Variants in PWWP2A observed in about 807,000 individuals in gnomAD.
PWWP2A encodes PWWP domain-containing protein 2A.
PWWP2A carries 18 observed loss-of-function variants against 48.5 expected under a neutral mutation model. The observed-to-expected ratio is 0.37, with a 90% CI of 0.26 to 0.55. PWWP2A has a LOEUF of 0.55. PWWP2A is among the 20% of genes least tolerant of loss of function. The pLI, the probability that PWWP2A is intolerant of heterozygous loss-of-function variation, is 0.81. For missense variants in PWWP2A, 867 were observed against 976.4 expected (o/e 0.89, Z 1.49); for synonymous variants, 396 against 387.7 (o/e 1.02, Z -0.25).
At chr5:160,118,684 G>A in intron 1 of PWWP2A, 121 bp downstream of exon 1, 2 of 1,035,020 alleles carry the variant, frequency 1.9e-6, no homozygotes, top group African/African-American at 1.7e-5. Context: ...GCGCCGCGCA[G>A]GACCAGAGGG....
chr5:160,048,195 T>C, the PWWP2A span, among the ~76,000 whole-genome samples: 1 of 133,758 alleles, frequency 7.5e-6, no homozygotes, highest in Non-Finnish European at 1.5e-5. Flanking sequence ...TTGCCCGGGC[T>C]GGAGTACAGT....
At chr5:160,094,732 T>C (rs548157283) in intron 1 of PWWP2A, among the ~76,000 whole-genome samples, 1 of 152,202 alleles carries the variant, frequency 6.6e-6, no homozygotes, top group Non-Finnish European at 1.5e-5. Context: ...AGAAATATAT[T>C]TGCATTGCAA....
In PWWP2A at chr5:160,078,176, A is replaced by ACAAAG; in HGVS notation, c.1670-9_1670-8insCTTTG. ...CCTGCTAATGTCTTTGTGCTGAAAT[A>ACAAAG]TAGTAAAGAAAAGGAAGAAAATGTC... On this transcript the variant is annotated splice_polypyrimidine_tract_variant and intron_variant, in intron 3 of 3. Transcript: ENST00000456329. This position sits in a 1 kb window ranked among gnomAD's most constrained non-coding sequence, Gnocchi z 4.2. 1.9e-6 allele frequency: 3 copies of ACAAAG among 1,552,404 alleles called. No homozygotes were observed. Among genetic ancestry groups the ACAAAG allele is most frequent in the Non-Finnish European group, 2.6e-6 (3 of 1,145,756 alleles).
chr5:160,082,723 G>A (rs60801808), intron 2 of PWWP2A, among the ~76,000 whole-genome samples: 1,785 of 152,130 alleles, frequency 0.012, 40 homozygotes, highest in African/African-American at 0.041. Context: ...TTAGGATCTC[G>A]AGGCTTTTCT....
At chr5:160,107,122 C>T (rs950120821) in intron 1 of PWWP2A, among the ~76,000 whole-genome samples, 2 of 152,082 alleles carry the variant, frequency 1.3e-5, no homozygotes, top group East Asian at 1.9e-4. Context: ...CCACCGTGAC[C>T]GGCCTTAACC....
At position 160,119,032 on chromosome 5, in the gene PWWP2A, C is replaced by T. The variant is rs746288429; in HGVS notation, c.357G>A (p.Ser119=). ...GGPELPPSPA[S]PPEQPPAPEE... ...CGGGAGCCGGGGGCTGCTCCGGCGG[C>T]GATGCAGGAGAAGGTGGAAGTTCCG... The change falls in exon 1 of 2, where the codon TCG becomes TCA. Residue 119 remains serine (S), a synonymous_variant. Coordinates refer to ENST00000307063, the MANE Select transcript of PWWP2A (RefSeq NM_001130864.2). The T allele has an allele frequency of 3.1e-6, 5 of 1,596,690 alleles. No homozygotes were observed. The South Asian group carries it at 3.3e-5, about 11-fold the overall frequency.
the PWWP2A span, among the ~76,000 whole-genome samples, chr5:160,052,876 A>G: frequency 6.6e-6 from 1 of 152,226 alleles, no homozygotes; most frequent in African/African-American, 2.4e-5. Flanking sequence ...GGTTGCTTCT[A>G]AAATGAATTC....
chr5:160,109,808 T>TAA (rs1187507269), intron 1 of PWWP2A, among the ~76,000 whole-genome samples: 5 of 106,950 alleles, frequency 4.7e-5, no homozygotes, highest in African/African-American at 1.1e-4. Flanking sequence ...TATATATATA[T>TAA]AAAATAATAT....
At chr5:160,067,114 G>A (rs1753630797) in intron 2 of PWWP2A, among the ~76,000 whole-genome samples, 1 of 152,086 alleles carries the variant, frequency 6.6e-6, no homozygotes, top group African/African-American at 2.4e-5. Context: ...TTAGTGAGAA[G>A]AATGACATTT....
chr5:160,114,431 A>G lies in PWWP2A; in HGVS notation c.584+4374T>C, dbSNP rs1757893753. Among the ~76,000 whole-genome samples, 3 of 151,844 alleles carry G rather than the reference A, an allele frequency of 2.0e-5. No homozygotes were observed. The South Asian group carries it at 6.2e-4, about 32-fold the overall frequency. ...AGCCAAGATTGCACTACTGCACTCC[A>G]GCCTGGGTGACAGAGCGAGACTGTC... On this transcript the variant is annotated intron_variant, in intron 1 of 1. Transcript: ENST00000307063.
downstream of PWWP2A, among the ~76,000 whole-genome samples, chr5:160,073,686 GCA>G (rs778845043): frequency 1.3e-5 from 2 of 152,088 alleles, no homozygotes; most frequent in African/African-American, 4.8e-5. Context: ...TCTTCTTCTG[GCA>G]CAGTTTTCCT....
At chr5:160,051,346 G>C in the PWWP2A span, among the ~76,000 whole-genome samples, 1 of 152,184 alleles carries the variant, frequency 6.6e-6, no homozygotes, top group Admixed American at 6.5e-5. Context: ...GCGTGGCTTA[G>C]AGAGGGTATT....
At chr5:160,091,144 C>A, downstream of PWWP2A, 2 of 979,962 alleles carry the variant, frequency 2.0e-6, no homozygotes, top group Non-Finnish European at 2.4e-6. Context: ...CTCTATACTA[C>A]AAAATCTTAT....
chr5:160,100,057 T>A (rs1446871750), intron 1 of PWWP2A, among the ~76,000 whole-genome samples: 1 of 151,762 alleles, frequency 6.6e-6, no homozygotes, highest in Non-Finnish European at 1.5e-5. Flanking sequence ...TCGCAGCACT[T>A]TGGGAGGCCA....
In PWWP2A at chr5:160,091,472, T is replaced by G; in HGVS notation, c.*910A>C. 4.1e-6 allele frequency: 4 copies of G among 979,360 alleles called. No individual in the cohort carries two copies. Among genetic ancestry groups the G allele is most frequent in the Non-Finnish European group, 4.8e-6 (4 of 826,396 alleles). 60.7% of individuals were successfully genotyped at this position (979,360 alleles called of 1,614,324 possible). ...ATACCTTAAACGGAAATTATTTTGT[T>G]TTAATTATCAAATTAGGTACATCCA... On this transcript the variant is annotated 3_prime_UTR_variant, in exon 2 of 2. Coordinates refer to ENST00000307063, the MANE Select transcript of PWWP2A (RefSeq NM_001130864.2).
rs374725441 is a variant in PWWP2A, at chr5:160,093,006, A to C, written c.1644T>G (p.Asp548Glu). 9.6e-4 allele frequency: 1,528 copies of C among 1,583,752 alleles called. No individual in the cohort carries two copies. The highest frequency in any genetic ancestry group is 1.3e-3 in the Non-Finnish European group (1,489 of 1,164,294). ...TGCCCAATGTCTGTGGTTCATCCTG[A>C]TCACCAGGCACATGCACTTCATTTG... ...QDTNEVHVPG[D>E]QDEPQTLGKK... The change falls in exon 2 of 2, where the codon GAT becomes GAG. Residue 548 changes from aspartate (D) to glutamate (E), a missense_variant. This residue lies in a region of PWWP2A where 382 missense variants were observed against 407.2 expected (regional missense o/e 0.94). Coordinates refer to ENST00000307063, the MANE Select transcript of PWWP2A (RefSeq NM_001130864.2). This position sits in a 1 kb window ranked among gnomAD's most constrained non-coding sequence, Gnocchi z 5.8.
At chr5:160,062,633 T>C (rs755128625) in intron 5 of PWWP2A, among the ~76,000 whole-genome samples, 12 of 152,208 alleles carry the variant, frequency 7.9e-5, no homozygotes, top group Non-Finnish European at 1.5e-4. Context: ...CCTCCATCCA[T>C]GTAATGGCCC....
At chr5:160,099,226 GCTTT>G (rs1184247244) in intron 1 of PWWP2A, among the ~76,000 whole-genome samples, 3 of 152,136 alleles carry the variant, frequency 2.0e-5, no homozygotes, top group Non-Finnish European at 2.9e-5. Flanking sequence ...GGTATCCCTT[GCTTT>G]AAGTTTTCCA....
downstream of PWWP2A, chr5:160,090,309 CACA>C: frequency 1.0e-6 from 1 of 985,136 alleles, no homozygotes; most frequent in Non-Finnish European, 1.2e-6. Context: ...CAGATCATTA[CACA>C]AAGCCTTGGA....
Sources: gnomAD v4.1 joint callset for allele counts (sites outside exome capture counted in the v4.1 genomes callset) on GRCh38, gnomAD v4.1.1 for gene constraint, gnomAD v4.1.1 regional missense constraint, Gnocchi (gnomAD v3.1) non-coding constraint, MANE v1.5 for transcripts, NCBI Gene and HGNC (gene_info 2026-07-23, HGNC 2026-07-21) for gene names.